The following CA10 variants were observed in gnomAD, a reference collection of about 807,000 sequenced individuals.
The protein encoded by CA10 is carbonic anhydrase-related protein 10.
A neutral mutation model predicts 44.2 loss-of-function variants in CA10; 14 were observed. The ratio of observed to expected loss-of-function variants is 0.32; its 90% CI spans 0.21 to 0.50. CA10 has a LOEUF of 0.50. Ranked by LOEUF, CA10 falls within the 20% of genes least tolerant of loss-of-function variation. The probability of loss-of-function intolerance (pLI) is 0.99; values close to 1 mark genes in which losing one functional copy is unlikely to be tolerated. For missense variants in CA10, 350 were observed against 409.7 expected, an observed-to-expected ratio of 0.85 and a Z score of 1.26; for synonymous variants, 159 against 141.6, an observed-to-expected ratio of 1.12 and a Z score of -0.87.
chr17:51,962,605 G>T (rs752783550), intron 2 of CA10, among the ~76,000 whole-genome samples: 4 of 152,128 alleles, frequency 2.6e-5, no homozygotes, highest in African/African-American at 4.8e-5. Context: ...TCAAACCACA[G>T]AACTCAATAT....
At chr17:51,749,792 T>C (rs912127988) in intron 3 of CA10, among the ~76,000 whole-genome samples, 1 of 152,116 alleles carries the variant, frequency 6.6e-6, no homozygotes, top group Non-Finnish European at 1.5e-5. Context: ...TGTCCCAACA[T>C]TGACAGAGGA....
At chr17:51,692,662 G>C (rs1017105783) in intron 4 of CA10, among the ~76,000 whole-genome samples, 14 of 152,150 alleles carry the variant, frequency 9.2e-5, no homozygotes, top group African/African-American at 3.4e-4. Flanking sequence ...TCATTGTGTA[G>C]ATGCACCATG....
chr17:51,886,596 T>C (rs1168782206), intron 3 of CA10, among the ~76,000 whole-genome samples: 1 of 152,202 alleles, frequency 6.6e-6, no homozygotes, highest in African/African-American at 2.4e-5. Context: ...ATTGTGTTGG[T>C]TAATTTTATG....
chr17:52,052,888 G>T (rs965899680), intron 2 of CA10, among the ~76,000 whole-genome samples: 1 of 151,884 alleles, frequency 6.6e-6, no homozygotes, highest in Non-Finnish European at 1.5e-5. Flanking sequence ...CGTGTAAAGG[G>T]CCTTCCAGTA....
At chr17:51,939,144 A>G (rs1278853913) in intron 2 of CA10, among the ~76,000 whole-genome samples, 1 of 152,076 alleles carries the variant, frequency 6.6e-6, no homozygotes, top group East Asian at 1.9e-4. Flanking sequence ...ATGTATATAT[A>G]TATTTGAGAG....
At chr17:51,902,798 T>C (rs1298397043) in intron 3 of CA10, among the ~76,000 whole-genome samples, 2 of 152,204 alleles carry the variant, frequency 1.3e-5, no homozygotes, top group African/African-American at 4.8e-5. Flanking sequence ...CACTCATTGA[T>C]TGCATGCAGA....
chr17:52,065,497 T>C (rs1319925290), intron 2 of CA10, among the ~76,000 whole-genome samples: 1 of 152,114 alleles, frequency 6.6e-6, no homozygotes, highest in African/African-American at 2.4e-5. Context: ...CCTCGAGGAA[T>C]AGGTGGTGGG....
At chr17:51,828,860 T>C (rs183621959) in intron 3 of CA10, among the ~76,000 whole-genome samples, 167 of 152,356 alleles carry the variant, frequency 1.1e-3, no homozygotes, top group African/African-American at 4.0e-3. Context: ...ATTAATAATA[T>C]GTGAATAATA....
chr17:52,122,959 T>G (rs1989043050), intron 1 of CA10, among the ~76,000 whole-genome samples: 1 of 152,206 alleles, frequency 6.6e-6, no homozygotes, highest in African/African-American at 2.4e-5. Flanking sequence ...AAATACTTTT[T>G]TTTTGCCAAA....
chr17:52,098,467 A>G (rs1439251582), intron 1 of CA10, among the ~76,000 whole-genome samples: 1 of 152,194 alleles, frequency 6.6e-6, no homozygotes, highest in Non-Finnish European at 1.5e-5. Context: ...CAACACCAAC[A>G]TAATTCTGAC....
At chr17:52,063,582 AAG>A (rs1246057877) in intron 2 of CA10, among the ~76,000 whole-genome samples, 4 of 152,124 alleles carry the variant, frequency 2.6e-5, no homozygotes, top group Non-Finnish European at 5.9e-5. Flanking sequence ...TGGTTCCTGT[AAG>A]AGCTTGTTAA....
At chr17:51,986,350 C>A (rs1012899548) in intron 2 of CA10, among the ~76,000 whole-genome samples, 1 of 151,964 alleles carries the variant, frequency 6.6e-6, no homozygotes, top group Non-Finnish European at 1.5e-5. Context: ...ATACAAAAAT[C>A]AACTCAAGAT....
At position 52,121,545 on chromosome 17, in the gene CA10, A is replaced by G. The variant is rs147471559; in HGVS notation, c.61+36181T>C. On this transcript the variant is annotated intron_variant, in intron 1 of 8. Transcript: ENST00000451037. Reference sequence around the variant, plus strand: ...ATGTGAAGCTGTAAACCCATTCCATAATTTTCATTAGAAAGAGACCTTCAT... The same window carrying G: ...ATGTGAAGCTGTAAACCCATTCCATGATTTTCATTAGAAAGAGACCTTCAT... Among the ~76,000 whole-genome samples, 1,276 of 152,226 alleles carry G rather than the reference A, an allele frequency of 8.4e-3. 9 individuals are homozygous for G. The highest frequency in any genetic ancestry group is 0.029 in the South Asian group (138 of 4,820).
chr17:52,028,315 ACAAACCTATTCTATG>A (rs1418686350), intron 2 of CA10, among the ~76,000 whole-genome samples: 1 of 152,196 alleles, frequency 6.6e-6, no homozygotes, highest in Non-Finnish European at 1.5e-5. Flanking sequence ...TCATTTTTAA[ACAAACCTATTCTATG>A]CAAATCCAAT....
intron 3 of CA10, among the ~76,000 whole-genome samples, chr17:51,866,126 T>C (rs997133946): frequency 6.6e-6 from 1 of 152,216 alleles, no homozygotes; most frequent in Non-Finnish European, 1.5e-5. Flanking sequence ...TCCTGATAGT[T>C]CCTGACGATG....
At chr17:51,821,015 CCCTT>C (rs1456369940) in intron 3 of CA10, among the ~76,000 whole-genome samples, 1 of 135,344 alleles carries the variant, frequency 7.4e-6, no homozygotes, top group African/African-American at 2.8e-5. Flanking sequence ...CTCCCTCCCT[CCCTT>C]AATTCCTCCC....
At chr17:51,682,475 T>A (rs150352345) in intron 4 of CA10, among the ~76,000 whole-genome samples, 19 of 152,252 alleles carry the variant, frequency 1.2e-4, no homozygotes, top group Middle Eastern at 3.4e-3. Context: ...AGAAGGTGGG[T>A]TTTATAAATC....
chr17:51,832,093 G>A (rs191377431), intron 3 of CA10, among the ~76,000 whole-genome samples: 5 of 152,316 alleles, frequency 3.3e-5, no homozygotes, highest in African/African-American at 1.2e-4. Context: ...CCCATTGTCA[G>A]AGAGACCTGG....
intron 2 of CA10, among the ~76,000 whole-genome samples, chr17:51,983,159 A>G (rs908942560): frequency 3.3e-5 from 5 of 151,620 alleles, no homozygotes; most frequent in African/African-American, 1.2e-4. Flanking sequence ...AGAGTGTGCC[A>G]TTTATCCACC....
Sources: allele counts gnomAD v4.1 joint callset (sites outside exome capture counted in the v4.1 genomes callset), GRCh38; gene constraint gnomAD v4.1.1; transcripts MANE v1.5; gene names NCBI Gene and HGNC (gene_info 2026-07-23, HGNC 2026-07-21).